CAMTA1: variants seen among roughly 807,000 people sequenced by gnomAD.
CAMTA1 encodes calmodulin binding transcription activator 1.
A neutral mutation model predicts 170.9 loss-of-function variants in CAMTA1; 27 were observed. That is an observed-to-expected ratio of 0.16 (90% CI 0.12 to 0.22). The LOEUF (loss-of-function observed/expected upper bound fraction) is 0.22, where lower values mean the gene tolerates loss of function less well. CAMTA1 is among the 10% of genes least tolerant of loss of function. CAMTA1 has a pLI of 1.00. For synonymous variants in CAMTA1, 833 were observed against 891.5 expected, an observed-to-expected ratio of 0.93 and a Z score of 1.17; for missense variants, 1,619 against 2,217.2, an observed-to-expected ratio of 0.73 and a Z score of 5.42.
intron 3 of CAMTA1, among the ~76,000 whole-genome samples, chr1:6,968,703 T>C (rs1287132628): frequency 1.3e-5 from 2 of 150,940 alleles, no homozygotes; most frequent in African/African-American, 2.5e-5. Flanking sequence ...AATTCTACCG[T>C]AGCAAGTGCT....
At chr1:7,357,711 T>A (rs1013421364) in intron 5 of CAMTA1, among the ~76,000 whole-genome samples, 5 of 152,206 alleles carry the variant, frequency 3.3e-5, no homozygotes, top group Non-Finnish European at 5.9e-5. Context: ...TATACAGATG[T>A]CCTCGTCCAT....
intron 6 of CAMTA1, among the ~76,000 whole-genome samples, chr1:7,611,209 C>T (rs1050707873): frequency 6.6e-6 from 1 of 152,194 alleles, no homozygotes; most frequent in South Asian, 2.1e-4. Flanking sequence ...GACCAGGGCC[C>T]ACAGCCTGGG....
At chr1:7,485,812 A>G (rs915406235) in intron 6 of CAMTA1, among the ~76,000 whole-genome samples, 2 of 152,162 alleles carry the variant, frequency 1.3e-5, no homozygotes, top group African/African-American at 4.8e-5. Flanking sequence ...TTGAACCCCA[A>G]CTTCCTGACT....
rs755507813 is a variant in CAMTA1, at chr1:6,902,068, CACACAAAAAA to C, written c.234+76860_234+76869del. 7.4e-3 allele frequency among the ~76,000 whole-genome samples: 540 copies of C among 72,506 alleles called. 8 individuals are homozygous for C. The highest frequency in any genetic ancestry group is 0.03 in the South Asian group (51 of 1,712). The allele number at this position is 72,506 out of a possible 152,430, so 47.6% of individuals were successfully genotyped here. On this transcript the variant is annotated intron_variant, in intron 3 of 22. Coordinates refer to ENST00000303635, the MANE Select transcript of CAMTA1 (RefSeq NM_015215.4). ...ACACACACACACACACACACACACA[CACACAAAAAA>C]AAAAATAAAAATAAAAACTCGTACT...
rs538470729 is a variant in CAMTA1, at chr1:6,945,524, T to A, written c.234+120314T>A. ...CCACTACGCCTGGATAATTTTTGTA[T>A]TTTTTGTAGAGATGGGGTTTCGCCA... On this transcript the variant is annotated intron_variant, in intron 3 of 22. Coordinates refer to ENST00000303635, the MANE Select transcript of CAMTA1 (RefSeq NM_015215.4). 1.9e-4 allele frequency among the ~76,000 whole-genome samples: 29 copies of A among 152,120 alleles called. No homozygotes were observed. The South Asian group carries it at 5.8e-3, about 30-fold the overall frequency.
chr1:7,029,317 C>T (rs887406795), intron 3 of CAMTA1, among the ~76,000 whole-genome samples: 1 of 151,838 alleles, frequency 6.6e-6, no homozygotes, highest in African/African-American at 2.4e-5. Flanking sequence ...CTGGTTAACA[C>T]AGTGAAACCC....
chr1:6,969,351 G>C (rs983863054), intron 3 of CAMTA1, among the ~76,000 whole-genome samples: 1 of 152,218 alleles, frequency 6.6e-6, no homozygotes, highest in African/African-American at 2.4e-5. Flanking sequence ...GGCAAGGAAC[G>C]CTGCAGAAGT....
chr1:6,985,077 A>G (rs1315268385), intron 3 of CAMTA1, among the ~76,000 whole-genome samples: 1 of 152,216 alleles, frequency 6.6e-6, no homozygotes, highest in African/African-American at 2.4e-5. Flanking sequence ...GTTAGGTCCC[A>G]GGCCTGGAAG....
intron 4 of CAMTA1, among the ~76,000 whole-genome samples, chr1:7,133,815 C>T (rs1421576124): frequency 6.6e-6 from 1 of 152,184 alleles, no homozygotes; most frequent in Non-Finnish European, 1.5e-5. Flanking sequence ...TGTTTTCTCT[C>T]TCACACTTTT....
At chr1:7,687,233 G>T (rs1235054350) in intron 11 of CAMTA1, among the ~76,000 whole-genome samples, 2 of 151,690 alleles carry the variant, frequency 1.3e-5, no homozygotes, top group African/African-American at 4.8e-5. Context: ...GGAGGAGCTG[G>T]CCAAGGAGGG....
At chr1:7,312,772 A>G (rs988219654) in intron 5 of CAMTA1, among the ~76,000 whole-genome samples, 11 of 151,480 alleles carry the variant, frequency 7.3e-5, no homozygotes, top group South Asian at 2.1e-4. Flanking sequence ...TATTTTTTCC[A>G]CTTCCTTCCT....
At chr1:6,951,509 C>A (rs930754588) in intron 3 of CAMTA1, among the ~76,000 whole-genome samples, 5 of 152,212 alleles carry the variant, frequency 3.3e-5, no homozygotes, top group Non-Finnish European at 2.9e-5. Context: ...TCTCCGTTTT[C>A]TCCTCCATAA....
At chr1:7,031,760 GT>G (rs1012458097) in intron 3 of CAMTA1, among the ~76,000 whole-genome samples, 22 of 152,112 alleles carry the variant, frequency 1.4e-4, no homozygotes, top group Non-Finnish European at 2.8e-4. Flanking sequence ...CCAGGATGGT[GT>G]TGATCTCCTG....
chr1:7,755,935 C>T (rs752911563), intron 22 of CAMTA1, among the ~76,000 whole-genome samples: 11 of 152,134 alleles, frequency 7.2e-5, no homozygotes, highest in Non-Finnish European at 1.2e-4. Context: ...GCCGAGGATG[C>T]GGTGGAGGAA....
At chr1:7,228,822 C>T (rs1264820807) in intron 4 of CAMTA1, among the ~76,000 whole-genome samples, 1 of 152,164 alleles carries the variant, frequency 6.6e-6, no homozygotes, top group Non-Finnish European at 1.5e-5. Context: ...TCATGATCCA[C>T]AGCTGCCTTG....
At position 6,861,019 on chromosome 1, in the gene CAMTA1, C is replaced by T. The variant is rs928448490; in HGVS notation, c.234+35809C>T. ...TTGCCCTGTCACCCAGGCTGGAGTG[C>T]AGTGGTGTAATCTCAACTCACTGCA... On this transcript the variant is annotated intron_variant, in intron 3 of 22. Coordinates refer to ENST00000303635, the MANE Select transcript of CAMTA1 (RefSeq NM_015215.4). 5.5e-5 allele frequency among the ~76,000 whole-genome samples: 8 copies of T among 146,292 alleles called. 1 individual carries two copies. In the Admixed American group the frequency reaches 5.6e-4, roughly 10 times the overall value.
intron 5 of CAMTA1, among the ~76,000 whole-genome samples, chr1:7,451,145 G>A (rs1425398588): frequency 6.6e-6 from 1 of 152,206 alleles, no homozygotes; most frequent in African/African-American, 2.4e-5. Context: ...TCCCATTAAA[G>A]CACTGAGCCA....
At chr1:7,122,596 C>A (rs1644709896) in intron 4 of CAMTA1, among the ~76,000 whole-genome samples, 1 of 152,192 alleles carries the variant, frequency 6.6e-6, no homozygotes, top group African/African-American at 2.4e-5. Context: ...AACTTCCCCT[C>A]TGCAACAGGG....
intron 3 of CAMTA1, among the ~76,000 whole-genome samples, chr1:6,860,614 T>C (rs1214010915): frequency 2.0e-5 from 3 of 152,128 alleles, no homozygotes; most frequent in Non-Finnish European, 4.4e-5. Context: ...ATTCTGTTCT[T>C]AAAGGTCTAT....
Sources: gnomAD v4.1 joint callset for allele counts (sites outside exome capture counted in the v4.1 genomes callset) on GRCh38, gnomAD v4.1.1 for gene constraint, MANE v1.5 for transcripts, NCBI Gene and HGNC (gene_info 2026-07-23, HGNC 2026-07-21) for gene names.